Variants in TRIM66 observed in about 807,000 individuals in gnomAD.
The protein encoded by TRIM66 is tripartite motif-containing protein 66.
TRIM66 carries 99 observed loss-of-function variants against 148.2 expected under a neutral mutation model. The ratio of observed to expected loss-of-function variants is 0.67; its 90% CI spans 0.57 to 0.79. TRIM66 has a LOEUF of 0.79. Ranked by LOEUF, TRIM66 falls within the 30% of genes least tolerant of loss-of-function variation. The pLI is 0.00. For synonymous variants in TRIM66, 616 were observed against 635.9 expected, an observed-to-expected ratio of 0.97 and a Z score of 0.47; for missense variants, 1,666 against 1,697.9, an observed-to-expected ratio of 0.98 and a Z score of 0.33.
Position 8,649,842 on chromosome 11 carries a change from T to C in TRIM66, c.490A>G (p.Thr164Ala), listed in dbSNP as rs571791051. 7 of 1,551,644 alleles carry C rather than the reference T, an allele frequency of 4.5e-6. No individual in the cohort carries two copies. The Admixed American group carries it at 1.2e-4, about 26-fold the overall frequency. Residue 164 changes from threonine (T) to alanine (A), a missense_variant, in exon 8 of 25, where the codon ACC (threonine) becomes GCC (alanine). Transcript: ENST00000646038. The stretch of plus-strand genomic sequence containing the variant: ...CTGCACAGCCAGCGATTGCAGTAGG[T>C]GCAGAGGATATGTGCTGCCCTCTTC... Reference protein sequence around the residue: ...KEKRAAHILCTYCNRWLCSSC... With the variant: ...KEKRAAHILCAYCNRWLCSSC...
intron 3 of TRIM66, among the ~76,000 whole-genome samples, chr11:8,677,367 C>T (rs535615019): frequency 4.6e-5 from 7 of 152,318 alleles, no homozygotes; most frequent in East Asian, 1.9e-4. Context: ...GAACATAGTA[C>T]ACACTCAATT....
chr11:8,676,479 C>G (rs2039182359), intron 3 of TRIM66, among the ~76,000 whole-genome samples: 1 of 152,190 alleles, frequency 6.6e-6, no homozygotes, highest in South Asian at 2.1e-4. Flanking sequence ...ACTTGGAGAA[C>G]TACTGCATTA....
intron 6 of TRIM66, among the ~76,000 whole-genome samples, chr11:8,671,026 C>T (rs369107785): frequency 1.6e-4 from 24 of 152,290 alleles, no homozygotes; most frequent in African/African-American, 4.8e-4. Flanking sequence ...CAACGGCTCA[C>T]GCCTGTAATC....
chr11:8,646,238 T>C (rs528828395), intron 11 of TRIM66, among the ~76,000 whole-genome samples: 6 of 152,298 alleles, frequency 3.9e-5, no homozygotes, highest in East Asian at 1.9e-4. Flanking sequence ...CTAAGAGACA[T>C]AGCATCAAAA....
chr11:8,652,942 T>C (rs548572954), intron 6 of TRIM66, among the ~76,000 whole-genome samples: 28 of 152,368 alleles, frequency 1.8e-4, no homozygotes, highest in African/African-American at 6.3e-4. Context: ...TTAATCTCAC[T>C]TAATTGCCCT....
Position 8,682,258 on chromosome 11 carries a change from C to T in TRIM66, c.-548+343G>A, listed in dbSNP as rs535750484. Among the ~76,000 whole-genome samples, 167 of 152,328 alleles carry T rather than the reference C, an allele frequency of 1.1e-3. 1 individual carries two copies. Among genetic ancestry groups the T allele is most frequent in the African/African-American group, 3.9e-3 (161 of 41,578 alleles). On this transcript the variant is annotated intron_variant, in intron 1 of 24. Transcript: ENST00000646038. Reference sequence around the variant, plus strand: ...AGAGCGGGAGAAGGCATTTCGGGAGCCGCCCGAGCTTCAGGAAACCGAGCG... The same window carrying T: ...AGAGCGGGAGAAGGCATTTCGGGAGTCGCCCGAGCTTCAGGAAACCGAGCG...
chr11:8,645,761 A>C lies in TRIM66; in HGVS notation c.1084T>G (p.Phe362Val). Residue 362 changes from phenylalanine to valine, a missense_variant, in exon 12 of 25, where the codon TTT becomes GTT. Transcript: ENST00000646038. ...CTTACCAGCTCTTTGCTGAAAAGAAAAGGGACACTGGTTTTGCTGCAGACA... is the reference window on the plus strand; with the variant it reads ...CTTACCAGCTCTTTGCTGAAAAGAACAGGGACACTGGTTTTGCTGCAGACA... ...WAVCSKTSVP[F>V]LFSKELIVFQ... 6.4e-7 allele frequency: 1 copy of C among 1,551,744 alleles called. No individual in the cohort carries two copies. The highest frequency in any genetic ancestry group is 8.7e-7 in the Non-Finnish European group (1 of 1,146,938).
chr11:8,662,593 G>A (rs1365851126), intron 6 of TRIM66, among the ~76,000 whole-genome samples: 1 of 152,162 alleles, frequency 6.6e-6, no homozygotes, highest in Non-Finnish European at 1.5e-5. Flanking sequence ...GTCAATTAGT[G>A]CTAGTGTCCA....
Position 8,624,834 on chromosome 11 carries a change from C to T in TRIM66, c.2705G>A (p.Ser902Asn), listed in dbSNP as rs1592025225. ...VPSLATCPLQ[S>N]IPPVSDMQPE... is the part of the protein sequence containing the mutation. ...CTGCATGTCAGAAACTGGAGGGATG[C>T]TCTGCAGAGGACAAGTTGCCAGACT... The change falls in exon 16 of 25, where the codon AGC becomes AAC. Residue 902 changes from serine to asparagine, a missense_variant. By Grantham distance (46) the Ser-to-Asn change is conservative. This residue lies in a region of TRIM66 where 1,431 missense variants were observed against 1,412.4 expected (regional missense o/e 1.01). Coordinates refer to ENST00000646038, the MANE Select transcript of TRIM66 (RefSeq NM_001388022.1). 2.6e-6 allele frequency: 4 copies of T among 1,551,642 alleles called. No homozygotes were observed. Among genetic ancestry groups the T allele is most frequent in the African/African-American group, 1.4e-5 (1 of 73,056 alleles).
intron 6 of TRIM66, among the ~76,000 whole-genome samples, chr11:8,669,474 T>C (rs1192674596): frequency 2.0e-5 from 3 of 152,040 alleles, no homozygotes; most frequent in Admixed American, 6.5e-5. Flanking sequence ...CGAAACCCTG[T>C]CTCTACTAAA....
chr11:8,631,493 A>G (rs1462297084), intron 15 of TRIM66, among the ~76,000 whole-genome samples: 3 of 152,240 alleles, frequency 2.0e-5, no homozygotes, highest in African/African-American at 7.2e-5. Context: ...GCAGAGCATA[A>G]GGAGGCTAAG....
At chr11:8,645,220 G>A (rs963972202) in intron 12 of TRIM66, among the ~76,000 whole-genome samples, 1 of 152,130 alleles carries the variant, frequency 6.6e-6, no homozygotes. Flanking sequence ...AGGTAGCTTG[G>A]AGTTGGTTTT....
chr11:8,619,284 A>G (rs2033968594), intron 23 of TRIM66, 99 bp downstream of exon 23: 1 of 1,363,086 alleles, frequency 7.3e-7, no homozygotes, highest in South Asian at 1.6e-5. Flanking sequence ...CCCAGTCCTC[A>G]TGGCAGCCCA....
rs1464210886 is a variant in TRIM66 at position 8,621,204 on chromosome 11, C to T, written c.3373G>A (p.Glu1125Lys). Residue 1125 changes from glutamate to lysine, a missense_variant, in exon 20 of 25, where the codon GAA becomes AAA. Glu to Lys is a moderately conservative substitution (Grantham distance 56). This residue lies in a region of TRIM66 where 1,431 missense variants were observed against 1,412.4 expected (regional missense o/e 1.01). Transcript: ENST00000646038. ...PPEVEGTSPE[E>K]HRLIPRTPGA... ...GGGGTTCGAGGAATGAGTCTGTGTTCTTCAGGAGATGTGCCCTCCACTTCT... is the reference window on the plus strand; with the variant it reads ...GGGGTTCGAGGAATGAGTCTGTGTTTTTCAGGAGATGTGCCCTCCACTTCT... 6.4e-7 allele frequency: 1 copy of T among 1,551,686 alleles called. No individual in the cohort carries two copies. Among genetic ancestry groups the T allele is most frequent in the Admixed American group, 2.0e-5 (1 of 51,002 alleles).
intron 15 of TRIM66, among the ~76,000 whole-genome samples, chr11:8,630,287 C>T (rs1238360806): frequency 6.6e-6 from 1 of 152,126 alleles, no homozygotes; most frequent in Non-Finnish European, 1.5e-5. Context: ...GAAGGGAGCT[C>T]ACTTGTCAAT....
intron 6 of TRIM66, among the ~76,000 whole-genome samples, chr11:8,661,881 C>T (rs1475412948): frequency 6.6e-6 from 1 of 152,166 alleles, no homozygotes; most frequent in Non-Finnish European, 1.5e-5. Context: ...GAGCTCCCTC[C>T]CTCAGCAAAT....
chr11:8,638,392 T>C (rs1011541689), intron 15 of TRIM66, among the ~76,000 whole-genome samples: 4 of 152,122 alleles, frequency 2.6e-5, no homozygotes, highest in African/African-American at 4.8e-5. Context: ...GTTCAATAAA[T>C]TGGCTCTCTT....
At chr11:8,619,077 T>G in intron 23 of TRIM66, 109 bp from the exon 24 acceptor site, 1 of 1,008,918 alleles carries the variant, frequency 9.9e-7, no homozygotes, top group South Asian at 1.6e-5. Flanking sequence ...TGTCCTGAGG[T>G]GTCTGGAACT....
At chr11:8,656,750 A>T (rs902164307) in intron 6 of TRIM66, among the ~76,000 whole-genome samples, 3 of 152,208 alleles carry the variant, frequency 2.0e-5, no homozygotes, top group African/African-American at 7.2e-5. Flanking sequence ...GCTGAGCCTG[A>T]TAGCTGTCTC....
Sources: allele counts gnomAD v4.1 joint callset (sites outside exome capture counted in the v4.1 genomes callset), GRCh38; gene constraint gnomAD v4.1.1; regional missense constraint gnomAD v4.1.1; transcripts MANE v1.5; gene names NCBI Gene and HGNC (gene_info 2026-07-23, HGNC 2026-07-21).